CYP27C1: variants seen among roughly 807,000 people sequenced by gnomAD.
CYP27C1 encodes the protein cytochrome P450 27C1.
Under a neutral mutation model 40.6 loss-of-function variants are expected in CYP27C1, and 29 were observed. The ratio of observed to expected loss-of-function variants is 0.71; its 90% CI spans 0.53 to 0.97. CYP27C1 has a LOEUF of 0.97. CYP27C1 is among the 50% of genes least tolerant of loss of function. The pLI, the probability that CYP27C1 is intolerant of heterozygous loss-of-function variation, is 0.00. For missense variants in CYP27C1, 390 were observed against 485.8 expected, an observed-to-expected ratio of 0.80 and a Z score of 1.85; for synonymous variants, 198 against 186.8, an observed-to-expected ratio of 1.06 and a Z score of -0.49.
At position 127,218,776 on chromosome 2, in the gene CYP27C1, G is replaced by C. The variant is rs758205196; in HGVS notation, c.282+1213C>G. On this transcript the variant is annotated intron_variant, in intron 1 of 8. Coordinates refer to ENST00000664447, the MANE Select transcript of CYP27C1 (RefSeq NM_001367502.1). This position sits in a 1 kb window ranked among gnomAD's most constrained non-coding sequence, Gnocchi z 6.0. ...GGTGGGAGGAGAAGGGGGCGTTCTC[G>C]GAAGACACCAAAAGCCCCCATACCA... is the stretch of plus-strand genomic sequence containing the variant. Among the ~76,000 whole-genome samples, 2 of 152,186 alleles carry C rather than the reference G, an allele frequency of 1.3e-5. No homozygotes were observed. Among genetic ancestry groups the C allele is most frequent in the Non-Finnish European group, 2.9e-5 (2 of 68,022 alleles).
rs983841493 is a variant in CYP27C1, at chr2:127,201,516, T to C, written c.674-185A>G. On this transcript the variant is annotated intron_variant, in intron 3 of 8. Coordinates refer to ENST00000664447, the MANE Select transcript of CYP27C1 (RefSeq NM_001367502.1). The surrounding 1 kb of genome is among the most constrained non-coding windows in gnomAD (Gnocchi z 6.0). ...GCTGGCATTTAGGGCTGACAGGTGG[T>C]GCTGTTGCTGCTTCACCTAAGGAGC... Among the ~76,000 whole-genome samples, 1 of 152,162 alleles carries C rather than the reference T, an allele frequency of 6.6e-6. No homozygotes were observed. The highest frequency in any genetic ancestry group is 2.4e-5 in the African/African-American group (1 of 41,438).
At position 127,214,014 on chromosome 2, in the gene CYP27C1, C is replaced by T. The variant is rs149115394; in HGVS notation, c.282+5975G>A. Among the ~76,000 whole-genome samples the T allele has an allele frequency of 2.3e-4, 35 of 152,230 alleles. 1 individual carries two copies. In the East Asian group the frequency reaches 6.8e-3, roughly 29 times the overall value. On this transcript the variant is annotated intron_variant, in intron 1 of 8. Transcript: ENST00000664447. Reference sequence around the variant, plus strand: ...AAATTGGGCAAAGAATATAAACAGACACCTCTCAAAAGAAGACATTTATGT... The same window carrying T: ...AAATTGGGCAAAGAATATAAACAGATACCTCTCAAAAGAAGACATTTATGT...
At chr2:127,210,844 A>G (rs959900508) in intron 1 of CYP27C1, among the ~76,000 whole-genome samples, 2 of 152,230 alleles carry the variant, frequency 1.3e-5, no homozygotes, top group Non-Finnish European at 2.9e-5. Context: ...CACCCAATAC[A>G]GAAGCACCCA....
chr2:127,193,108 G>A lies in CYP27C1; in HGVS notation c.1483C>T (p.Leu495Phe), dbSNP rs1171131560. ...CCACGCCCTACCTGGATCACGACGAGGTGAATCTCCAGTTCTGCAATTCTC... is the reference window on the plus strand; with the variant it reads ...CCACGCCCTACCTGGATCACGACGAAGTGAATCTCCAGTTCTGCAATTCTC... ...GRRIAELEIHLVVIQLLQHFE... is the reference protein window; with the variant it reads ...GRRIAELEIHFVVIQLLQHFE... Residue 495 changes from leucine to phenylalanine, a missense_variant, in exon 8 of 9, where the codon CTC becomes TTC. Coordinates refer to ENST00000664447, the MANE Select transcript of CYP27C1 (RefSeq NM_001367502.1). 6.2e-7 allele frequency: 1 copy of A among 1,614,200 alleles called. No individual in the cohort carries two copies. The highest frequency in any genetic ancestry group is 8.5e-7 in the Non-Finnish European group (1 of 1,180,032).
chr2:127,216,385 G>A (rs1683430999), intron 1 of CYP27C1, among the ~76,000 whole-genome samples: 1 of 152,166 alleles, frequency 6.6e-6, no homozygotes, highest in Non-Finnish European at 1.5e-5. Context: ...ACTGATACAT[G>A]CTACAACATG....
rs745713688 is a variant in CYP27C1, at chr2:127,199,384, C to A, written c.1039G>T (p.Val347Phe). 1.2e-6 allele frequency: 2 copies of A among 1,613,804 alleles called. No individual in the cohort carries two copies. Among genetic ancestry groups the A allele is most frequent in the African/African-American group, 1.3e-5 (1 of 74,906 alleles). Residue 347 changes from valine (V) to phenylalanine (F), a missense_variant, in exon 5 of 9, where the codon GTC (valine) becomes TTC (phenylalanine). Physicochemically the swap from Val to Phe is conservative, Grantham distance 50 (BLOSUM62 -1). Coordinates refer to ENST00000664447, the MANE Select transcript of CYP27C1 (RefSeq NM_001367502.1). ...AGGACCCCCAGACTCACCGTGTCGA[C>A]GCCGGCCAGCAGCATCTCAGTCACG... ...ANVTEMLLAG[V>F]DTTSFTLSWT...
rs900928338 is a variant in CYP27C1 at position 127,196,937 on chromosome 2, G to A, written c.1048-1436C>T. Among the ~76,000 whole-genome samples the A allele has an allele frequency of 6.6e-6, 1 of 152,090 alleles. No individual in the cohort carries two copies. The highest frequency in any genetic ancestry group is 1.5e-5 in the Non-Finnish European group (1 of 68,018). ...ATTCCATCTGTCAAAAATCTGTATCGCATTATGCAGTTTAAATGGAGTTGA... is the reference window on the plus strand; with the variant it reads ...ATTCCATCTGTCAAAAATCTGTATCACATTATGCAGTTTAAATGGAGTTGA... On this transcript the variant is annotated intron_variant, in intron 5 of 8. Transcript: ENST00000664447. This position sits in a 1 kb window ranked among gnomAD's most constrained non-coding sequence, Gnocchi z 4.5.
Position 127,187,238 on chromosome 2 carries a change from T to A in CYP27C1, c.*33A>T, listed in dbSNP as rs760777456. On this transcript the variant is annotated 3_prime_UTR_variant, in exon 9 of 9. Coordinates refer to ENST00000664447, the MANE Select transcript of CYP27C1 (RefSeq NM_001367502.1). ...TACCCACTGTGTGTCGGCGAGCTGG[T>A]CTGCTACATCAGCCCAGGTTTAAAA... The A allele has an allele frequency of 6.5e-7, 1 of 1,538,926 alleles. No individual in the cohort carries two copies. Among genetic ancestry groups the A allele is most frequent in the Non-Finnish European group, 9.0e-7 (1 of 1,111,754 alleles).
rs1417886898 is a variant in CYP27C1 at position 127,193,183 on chromosome 2, T to G, written c.1408A>C (p.Asn470His). Residue 470 changes from asparagine to histidine, a missense_variant, in exon 8 of 9, where the codon AAT (asparagine) becomes CAT (histidine). By Grantham distance (68) the Asn-to-His change is moderately conservative (BLOSUM62 1). Coordinates refer to ENST00000664447, the MANE Select transcript of CYP27C1 (RefSeq NM_001367502.1). ...LRKGDLDRVD[N>H]FGSIPFGHGV... ...TGACCAAAGGGGATGGATCCAAAAT[T>G]GTCAACTCTATCTAAGTCTCCTTTC... is the stretch of plus-strand genomic sequence containing the variant. 2.5e-6 allele frequency: 4 copies of G among 1,614,130 alleles called. No homozygotes were observed. The highest frequency in any genetic ancestry group is 3.4e-6 in the Non-Finnish European group (4 of 1,180,020).
chr2:127,210,200 G>A (rs1242865231), intron 1 of CYP27C1, among the ~76,000 whole-genome samples: 1 of 152,146 alleles, frequency 6.6e-6, no homozygotes, highest in Admixed American at 6.5e-5. Context: ...GAAGAGATTG[G>A]GGGCCAATAT....
chr2:127,199,493 C>T lies in CYP27C1; in HGVS notation c.930G>A (p.Met310Ile). The stretch of plus-strand genomic sequence containing the variant: ...CCCCGCTCACCCTCCGGCCTCGGTC[C>T]ATTTGGTACTGTATGTCCCTCAACT... ...DNKLRDIQYQ[M>I]DRGRRVSGGL... Residue 310 changes from methionine (M) to isoleucine (I), a missense_variant, in exon 5 of 9, where the codon ATG becomes ATA. Coordinates refer to ENST00000664447, the MANE Select transcript of CYP27C1 (RefSeq NM_001367502.1). The T allele has an allele frequency of 6.2e-7, 1 of 1,614,216 alleles. No homozygotes were observed. The highest frequency in any genetic ancestry group is 8.5e-7 in the Non-Finnish European group (1 of 1,180,022).
Position 127,220,229 on chromosome 2 carries a change from C to G in CYP27C1, c.42G>C (p.Pro14=), listed in dbSNP as rs1384230160. ...CCAGGAGCCCACCCCGCTCGGGCGC[C>G]GGCCGCAGCCCGGCTCTCAGGATCC... ...LARILRAGLR[P]APERGGLLGG... Residue 14 remains proline, a synonymous_variant, in exon 1 of 9, where the codon CCG becomes CCC. Coordinates refer to ENST00000664447, the MANE Select transcript of CYP27C1 (RefSeq NM_001367502.1). This position sits in a 1 kb window ranked among gnomAD's most constrained non-coding sequence, Gnocchi z 4.6. Among the ~76,000 whole-genome samples, 1 of 151,230 alleles carries G rather than the reference C, an allele frequency of 6.6e-6. No individual in the cohort carries two copies. The highest frequency in any genetic ancestry group is 1.5e-5 in the Non-Finnish European group (1 of 67,762).
At position 127,196,508 on chromosome 2, in the gene CYP27C1, C is replaced by T. The variant is rs1682908042; in HGVS notation, c.1048-1007G>A. ...CTCTCTAGTAAACAAGGAAATGCCA[C>T]AGTATAAAGGCCTTTCTCTTTCACC... On this transcript the variant is annotated intron_variant, in intron 5 of 8. Transcript: ENST00000664447. The surrounding 1 kb of genome is among the most constrained non-coding windows in gnomAD (Gnocchi z 4.5). 6.8e-6 allele frequency among the ~76,000 whole-genome samples: 1 copy of T among 148,114 alleles called. No homozygotes were observed. Among genetic ancestry groups the T allele is most frequent in the African/African-American group, 2.5e-5 (1 of 39,860 alleles).
chr2:127,203,675 G>T, intron 2 of CYP27C1, 104 bp from the exon 3 acceptor site: 1 of 1,175,708 alleles, frequency 8.5e-7, no homozygotes, highest in Non-Finnish European at 1.2e-6. Context: ...GAATCAACAA[G>T]AGCTGCCCAA....
rs945985887 is a variant in CYP27C1, at chr2:127,196,730, G to A, written c.1048-1229C>T. On this transcript the variant is annotated intron_variant, in intron 5 of 8. Coordinates refer to ENST00000664447, the MANE Select transcript of CYP27C1 (RefSeq NM_001367502.1). The surrounding 1 kb of genome is among the most constrained non-coding windows in gnomAD (Gnocchi z 4.5). ...GATCACATTTTTATGGAAAAAATGT[G>A]GTATATCCATACAATGGAATACTAC... Among the ~76,000 whole-genome samples, 2 of 151,914 alleles carry A rather than the reference G, an allele frequency of 1.3e-5. No individual in the cohort carries two copies. The highest frequency in any genetic ancestry group is 4.8e-5 in the African/African-American group (2 of 41,408).
At chr2:127,216,837 C>G (rs1683439704) in intron 1 of CYP27C1, among the ~76,000 whole-genome samples, 1 of 152,202 alleles carries the variant, frequency 6.6e-6, no homozygotes, top group African/African-American at 2.4e-5. Flanking sequence ...TCTTTGGTAT[C>G]TGCCCAGCTT....
rs1682844933 is a variant in CYP27C1, at chr2:127,193,929, T to C, written c.1215-62A>G. The C allele has an allele frequency of 2.3e-5, 36 of 1,559,500 alleles. 1 individual carries two copies. The South Asian group carries it at 3.4e-4, about 15-fold the overall frequency. On this transcript the variant is annotated intron_variant, in intron 6 of 8. Coordinates refer to ENST00000664447, the MANE Select transcript of CYP27C1 (RefSeq NM_001367502.1). The stretch of plus-strand genomic sequence containing the variant: ...GACTTTCACAGTATTTTATTGAACG[T>C]TCAGAACCCTGGATATATTCCCATT...
chr2:127,187,851 A>G (rs908429344), intron 8 of CYP27C1, among the ~76,000 whole-genome samples: 6 of 152,328 alleles, frequency 3.9e-5, no homozygotes, highest in African/African-American at 1.4e-4. Flanking sequence ...ATCCTCCGAA[A>G]GACTTCATCG....
chr2:127,211,363 TTTTTTG>T (rs1683332657), intron 1 of CYP27C1, among the ~76,000 whole-genome samples: 2 of 95,864 alleles, frequency 2.1e-5, no homozygotes, highest in African/African-American at 6.5e-5. Context: ...AAAGCAGTGT[TTTTTTG>T]TTTTTTTTTT....
Sources: gnomAD v4.1 joint callset for allele counts (sites outside exome capture counted in the v4.1 genomes callset) on GRCh38, gnomAD v4.1.1 for gene constraint, Gnocchi (gnomAD v3.1) non-coding constraint, MANE v1.5 for transcripts, NCBI Gene and HGNC (gene_info 2026-07-23, HGNC 2026-07-21) for gene names.